Variants in DPYSL2 observed in about 807,000 individuals in gnomAD.
DPYSL2 encodes the protein dihydropyrimidinase-related protein 2.
In DPYSL2, 13 loss-of-function variants were observed where a neutral mutation model predicts 69.9. The observed-to-expected ratio is 0.19, with a 90% CI of 0.12 to 0.30. The LOEUF (loss-of-function observed/expected upper bound fraction) is 0.30, where lower values mean the gene tolerates loss of function less well. Among genes scored for constraint, DPYSL2 ranks in the 10% least tolerant of loss-of-function variants. The pLI, the probability that DPYSL2 is intolerant of heterozygous loss-of-function variation, is 1.00. For synonymous variants in DPYSL2, 326 were observed against 359.1 expected, an observed-to-expected ratio of 0.91 and a Z score of 1.04; for missense variants, 587 against 918.9, an observed-to-expected ratio of 0.64 and a Z score of 4.67.
At chr8:26,524,224 TC>T (rs1169955490) in intron 1 of DPYSL2, among the ~76,000 whole-genome samples, 4 of 152,200 alleles carry the variant, frequency 2.6e-5, no homozygotes, top group Non-Finnish European at 5.9e-5. Context: ...ATAGACATCA[TC>T]CTACTGAATG....
intron 3 of DPYSL2, among the ~76,000 whole-genome samples, chr8:26,613,710 C>T (rs1206613030): frequency 1.3e-5 from 2 of 152,146 alleles, no homozygotes; most frequent in African/African-American, 2.4e-5. Flanking sequence ...ATCAGGAGCC[C>T]CATGCCTGCC....
At chr8:26,526,893 G>A (rs1490786125) in intron 1 of DPYSL2, among the ~76,000 whole-genome samples, 1 of 152,204 alleles carries the variant, frequency 6.6e-6, no homozygotes, top group African/African-American at 2.4e-5. Context: ...AAGTGAGGGT[G>A]TCCTCTGGGT....
At position 26,641,681 on chromosome 8, in the gene DPYSL2, C is replaced by T. The variant is rs1228749205; in HGVS notation, c.1127-1758C>T. ...GCCAAGGGGACCCTCCTAGGCCTTC[C>T]GAGCACCTAGCACTGGCCCTTTTCT... is the stretch of plus-strand genomic sequence containing the variant. On this transcript the variant is annotated intron_variant, in intron 8 of 13. Transcript: ENST00000521913. This position sits in a 1 kb window ranked among gnomAD's most constrained non-coding sequence, Gnocchi z 4.1. Among the ~76,000 whole-genome samples, 5 of 152,176 alleles carry T rather than the reference C, an allele frequency of 3.3e-5. No homozygotes were observed. Among genetic ancestry groups the T allele is most frequent in the East Asian group, 3.9e-4 (2 of 5,190 alleles).
At chr8:26,635,445 AC>A (rs1207928233) in intron 8 of DPYSL2, among the ~76,000 whole-genome samples, 3 of 152,166 alleles carry the variant, frequency 2.0e-5, no homozygotes. Context: ...ACTGTAACTA[AC>A]TGATGAAGTG....
Position 26,655,804 on chromosome 8 carries a change from T to G in DPYSL2, c.*98T>G. 2 of 1,203,258 alleles carry G rather than the reference T, an allele frequency of 1.7e-6. No individual in the cohort carries two copies. Among genetic ancestry groups the G allele is most frequent in the South Asian group, 1.8e-5 (1 of 54,304 alleles). The allele number at this position is 1,203,258 out of a possible 1,614,324, so 74.5% of individuals were successfully genotyped here. On this transcript the variant is annotated 3_prime_UTR_variant, in exon 14 of 14. Coordinates refer to ENST00000521913, the MANE Select transcript of DPYSL2 (RefSeq NM_001197293.3). ...CTTCCTTTTTTTTTTTTTGTTTTTT[T>G]TTTTAAGAGCCTGTGATAGTTACTG... is the stretch of plus-strand genomic sequence containing the variant.
intron 1 of DPYSL2, among the ~76,000 whole-genome samples, chr8:26,531,428 G>T (rs567872785): frequency 6.6e-6 from 1 of 152,292 alleles, no homozygotes; most frequent in African/African-American, 2.4e-5. Context: ...TGGAGATAGA[G>T]ATAGGGTGCC....
In DPYSL2 at chr8:26,587,150, C is replaced by G. The variant is rs1363729879; in HGVS notation, c.628+3167C>G. ...TAAGTGAGTGAGTGGCTGGGATTTGCTTTACAGAGAAGGAGGCCTTGCAAA... is the reference window on the plus strand; with the variant it reads ...TAAGTGAGTGAGTGGCTGGGATTTGGTTTACAGAGAAGGAGGCCTTGCAAA... On this transcript the variant is annotated intron_variant, in intron 3 of 13. Coordinates refer to ENST00000521913, the MANE Select transcript of DPYSL2 (RefSeq NM_001197293.3). This position sits in a 1 kb window ranked among gnomAD's most constrained non-coding sequence, Gnocchi z 4.2. Among the ~76,000 whole-genome samples, 1 of 152,114 alleles carries G rather than the reference C, an allele frequency of 6.6e-6. No individual in the cohort carries two copies. The highest frequency in any genetic ancestry group is 1.5e-5 in the Non-Finnish European group (1 of 68,020).
chr8:26,606,411 G>C (rs1802107373), intron 3 of DPYSL2, among the ~76,000 whole-genome samples: 1 of 152,102 alleles, frequency 6.6e-6, no homozygotes, highest in Non-Finnish European at 1.5e-5. Context: ...AGAAAAGATG[G>C]AGATGCTTGA....
intron 1 of DPYSL2, chr8:26,577,847 G>A (rs1012007545): frequency 1.9e-6 from 2 of 1,046,110 alleles, no homozygotes; most frequent in East Asian, 2.0e-4. Context: ...GCGGCCAATC[G>A]CTGCTCGTCT....
rs928707673 is a variant in DPYSL2, at chr8:26,606,944, C to T, written c.629-17199C>T. Among the ~76,000 whole-genome samples the T allele has an allele frequency of 8.3e-4, 126 of 152,344 alleles. 1 individual carries two copies. The highest frequency in any genetic ancestry group is 3.4e-3 in the Middle Eastern group (1 of 294). On this transcript the variant is annotated intron_variant, in intron 3 of 13. Coordinates refer to ENST00000521913, the MANE Select transcript of DPYSL2 (RefSeq NM_001197293.3). ...CACTCAAACTGCGGATAGGTATTTA[C>T]ATTGGCATGGCCCTTTCTGGAGGGT... is the stretch of plus-strand genomic sequence containing the variant.
At chr8:26,596,166 G>A (rs1259139654) in intron 3 of DPYSL2, among the ~76,000 whole-genome samples, 2 of 152,156 alleles carry the variant, frequency 1.3e-5, no homozygotes, top group African/African-American at 2.4e-5. Flanking sequence ...TGGAGGAAGT[G>A]CAACTTTAGC....
In DPYSL2 at chr8:26,571,458, T is replaced by C. The variant is rs754670273; in HGVS notation, c.355-10511T>C. Among the ~76,000 whole-genome samples the C allele has an allele frequency of 1.3e-5, 2 of 152,236 alleles. No individual in the cohort carries two copies. Among genetic ancestry groups the C allele is most frequent in the East Asian group, 1.9e-4 (1 of 5,174 alleles). ...GCACGATGGCTGAGCTAGGTGCCCTTTGTCCCCATCAGGGATAGAAAGACC... is the reference window on the plus strand; with the variant it reads ...GCACGATGGCTGAGCTAGGTGCCCTCTGTCCCCATCAGGGATAGAAAGACC... On this transcript the variant is annotated intron_variant, in intron 1 of 13. Coordinates refer to ENST00000521913, the MANE Select transcript of DPYSL2 (RefSeq NM_001197293.3). This position sits in a 1 kb window ranked among gnomAD's most constrained non-coding sequence, Gnocchi z 6.1.
rs369386752 is a variant in DPYSL2, at chr8:26,610,128, G to T, written c.629-14015G>T. 7.2e-5 allele frequency among the ~76,000 whole-genome samples: 11 copies of T among 152,224 alleles called. No homozygotes were observed. Among genetic ancestry groups the T allele is most frequent in the African/African-American group, 2.7e-4 (11 of 41,460 alleles). ...AAAGCCTGCTGGAGATGTAACTGTC[G>T]TGATGTTTCGTGGGATCTGCAAGAG... On this transcript the variant is annotated intron_variant, in intron 3 of 13. Transcript: ENST00000521913. This position sits in a 1 kb window ranked among gnomAD's most constrained non-coding sequence, Gnocchi z 4.5.
chr8:26,591,895 G>A lies in DPYSL2; in HGVS notation c.628+7912G>A, dbSNP rs17055486. On this transcript the variant is annotated intron_variant, in intron 3 of 13. Coordinates refer to ENST00000521913, the MANE Select transcript of DPYSL2 (RefSeq NM_001197293.3). The surrounding 1 kb of genome is among the most constrained non-coding windows in gnomAD (Gnocchi z 5.8). The stretch of plus-strand genomic sequence containing the variant: ...AAAGCTTGCAATGCGATTGGTCCTG[G>A]TGTAGCCTCCGTGTTGAGTTGTAGG... Among the ~76,000 whole-genome samples the A allele has an allele frequency of 0.028, 4,333 of 152,264 alleles. 94 individuals are homozygous for A. The highest frequency in any genetic ancestry group is 0.071 in the Middle Eastern group (21 of 294).
chr8:26,610,560 G>T lies in DPYSL2; in HGVS notation c.629-13583G>T, dbSNP rs190023883. 9.1e-4 allele frequency among the ~76,000 whole-genome samples: 139 copies of T among 152,164 alleles called. 1 individual carries two copies. Among genetic ancestry groups the T allele is most frequent in the Admixed American group, 3.1e-3 (47 of 15,296 alleles). On this transcript the variant is annotated intron_variant, in intron 3 of 13. Transcript: ENST00000521913. The surrounding 1 kb of genome is among the most constrained non-coding windows in gnomAD (Gnocchi z 4.5). ...CTAGATGAGTGACTCAAAGTTCCAT[G>T]CCTGGGGCCCTCCACCCTCCTTCCC... is the stretch of plus-strand genomic sequence containing the variant.
In DPYSL2 at chr8:26,657,222, A is replaced by G. The variant is rs569451063; in HGVS notation, c.*1516A>G. ...ACATCAGAACTCCTGTGGGGAGGAA[A>G]CCTTATAAATTAAACACATGGCCCC... On this transcript the variant is annotated 3_prime_UTR_variant, in exon 14 of 14. Transcript: ENST00000521913. 4.6e-5 allele frequency: 7 copies of G among 152,736 alleles called. No individual in the cohort carries two copies. The highest frequency in any genetic ancestry group is 1.7e-4 in the African/African-American group (7 of 41,554). The allele number at this position is 152,736 out of a possible 1,614,324, so 9.5% of individuals were successfully genotyped here.
At chr8:26,577,162 T>C (rs577354587) in intron 1 of DPYSL2, 14 of 447,022 alleles carry the variant, frequency 3.1e-5, no homozygotes, top group East Asian at 1.6e-4. Context: ...GGGCTCTCAT[T>C]TCCTGCAGCC....
Position 26,643,890 on chromosome 8 carries a change from G to C in DPYSL2, c.1284-60G>C, listed in dbSNP as rs1803105992. ...CATTCATGAGACAGCCCACCAAATA[G>C]GTGTAGGCGCACAGCATCTTGACGA... On this transcript the variant is annotated intron_variant, in intron 9 of 13. Transcript: ENST00000521913. The surrounding 1 kb of genome is among the most constrained non-coding windows in gnomAD (Gnocchi z 6.5). The C allele has an allele frequency of 9.6e-6, 15 of 1,565,982 alleles. No homozygotes were observed. The highest frequency in any genetic ancestry group is 1.3e-5 in the Non-Finnish European group (15 of 1,153,002).
At chr8:26,515,691 C>T (rs1485313281) in intron 1 of DPYSL2, among the ~76,000 whole-genome samples, 5 of 152,196 alleles carry the variant, frequency 3.3e-5, no homozygotes, top group African/African-American at 9.6e-5. Flanking sequence ...TTTCCACAGC[C>T]TTAATTTCTT....
Sources: gnomAD v4.1 joint callset for allele counts (sites outside exome capture counted in the v4.1 genomes callset) on GRCh38, gnomAD v4.1.1 for gene constraint, Gnocchi (gnomAD v3.1) non-coding constraint, MANE v1.5 for transcripts, NCBI Gene and HGNC (gene_info 2026-07-23, HGNC 2026-07-21) for gene names.